Variants in VGLL4 observed in about 807,000 individuals in gnomAD.
The protein encoded by VGLL4 is vestigial like family member 4, also known as transcription cofactor vestigial-like protein 4.
VGLL4 carries 7 observed loss-of-function variants against 21.0 expected under a neutral mutation model. That is an observed-to-expected ratio of 0.33 (90% CI 0.19 to 0.63). The LOEUF (loss-of-function observed/expected upper bound fraction) is 0.63, where lower values mean the gene tolerates loss of function less well. VGLL4 is among the 20% of genes least tolerant of loss of function. The pLI, the probability that VGLL4 is intolerant of heterozygous loss-of-function variation, is 0.78. For missense variants in VGLL4, 394 were observed against 425.7 expected, an observed-to-expected ratio of 0.93 and a Z score of 0.66; for synonymous variants, 222 against 173.2, an observed-to-expected ratio of 1.28 and a Z score of -2.21.
chr3:11,595,107 G>A (rs190846232), intron 2 of VGLL4, among the ~76,000 whole-genome samples: 57 of 152,322 alleles, frequency 3.7e-4, no homozygotes, highest in Admixed American at 3.6e-3. Flanking sequence ...GTTGTGGTGA[G>A]CCGAGATTGC....
At chr3:11,655,607 G>A (rs1003423594) in intron 2 of VGLL4, among the ~76,000 whole-genome samples, 2 of 152,224 alleles carry the variant, frequency 1.3e-5, no homozygotes, top group African/African-American at 4.8e-5. Context: ...TGACTGCAGT[G>A]AGCCCAGAAA....
At chr3:11,606,895 T>G (rs9855784) in intron 1 of VGLL4, among the ~76,000 whole-genome samples, 142,492 of 152,176 alleles carry the variant, frequency 0.94, 66,845 homozygotes, top group African/African-American at 0.95. Context: ...TCACTCTTTG[T>G]GTCCGTGCCA....
intron 2 of VGLL4, among the ~76,000 whole-genome samples, chr3:11,600,439 C>T (rs1304269866): frequency 2.0e-5 from 3 of 151,768 alleles, no homozygotes; most frequent in Non-Finnish European, 4.4e-5. Flanking sequence ...ATAAGAAATT[C>T]GTGGGAATAA....
At chr3:11,615,212 CTT>C (rs2075139660) in intron 1 of VGLL4, among the ~76,000 whole-genome samples, 1 of 152,134 alleles carries the variant, frequency 6.6e-6, no homozygotes, top group African/African-American at 2.4e-5. Context: ...TGACCTGTCT[CTT>C]TTTTGGTGGC....
At chr3:11,696,330 G>A (rs1041340803) in intron 2 of VGLL4, among the ~76,000 whole-genome samples, 6 of 152,214 alleles carry the variant, frequency 3.9e-5, no homozygotes, top group African/African-American at 7.2e-5. Flanking sequence ...TTTAGAGTCA[G>A]TACTCCAGAA....
chr3:11,573,891 C>G (rs1575399318), intron 2 of VGLL4, among the ~76,000 whole-genome samples: 1 of 152,308 alleles, frequency 6.6e-6, no homozygotes, highest in East Asian at 1.9e-4. Flanking sequence ...TGAGGGCGTG[C>G]TCTAATCCAA....
intron 1 of VGLL4, among the ~76,000 whole-genome samples, chr3:11,623,296 T>C (rs2075298447): frequency 6.6e-6 from 1 of 152,186 alleles, no homozygotes; most frequent in African/African-American, 2.4e-5. Context: ...TGTTGTATAC[T>C]AAAGAGAAAT....
In VGLL4 at chr3:11,601,912, T is replaced by G. The variant is rs762116536; in HGVS notation, c.193A>C (p.Ser65Arg). Residue 65 changes from serine (S) to arginine (R), a missense_variant, in exon 2 of 5, where the codon AGC becomes CGC. Physicochemically the swap from Ser to Arg is moderately radical, Grantham distance 110. Transcript: ENST00000430365. Reference sequence around the variant, plus strand: ...AGGTCCTCGTCACCTGGCTCCATGCTGAACTTCCTCTTGCTGGGGCTGATT... The same window carrying G: ...AGGTCCTCGTCACCTGGCTCCATGCGGAACTTCCTCTTGCTGGGGCTGATT... ...PPISPSKRKF[S>R]MEPGDEDLDC... 2.4e-5 allele frequency: 39 copies of G among 1,613,884 alleles called. No individual in the cohort carries two copies. Among genetic ancestry groups the G allele is most frequent in the Middle Eastern group, 1.7e-4 (1 of 6,060 alleles).
intron 2 of VGLL4, among the ~76,000 whole-genome samples, chr3:11,573,080 C>T (rs1054872115): frequency 4.0e-5 from 6 of 151,538 alleles, no homozygotes; most frequent in Non-Finnish European, 5.9e-5. Context: ...GGAGGAGAAT[C>T]GGCTGAACCC....
At chr3:11,615,254 T>C (rs1212700124) in intron 1 of VGLL4, among the ~76,000 whole-genome samples, 1 of 152,208 alleles carries the variant, frequency 6.6e-6, no homozygotes, top group Non-Finnish European at 1.5e-5. Context: ...CTTCATTAAT[T>C]AAGGGTCATA....
chr3:11,703,146 A>G, intron 1 of VGLL4: 1 of 1,002,262 alleles, frequency 1.0e-6, no homozygotes, highest in Non-Finnish European at 1.4e-6. Context: ...AACCAAATGC[A>G]AATCATTCTT....
At chr3:11,664,199 C>G (rs974085631) in intron 2 of VGLL4, among the ~76,000 whole-genome samples, 5 of 152,200 alleles carry the variant, frequency 3.3e-5, no homozygotes, top group African/African-American at 1.2e-4. Flanking sequence ...GATCGCACCA[C>G]TGCACTCCAG....
intron 2 of VGLL4, among the ~76,000 whole-genome samples, chr3:11,594,952 G>A (rs112563371): frequency 0.023 from 3,426 of 152,240 alleles, 39 homozygotes; most frequent in African/African-American, 0.026. Context: ...ACCTGAGATC[G>A]GGAGTTCAAG....
chr3:11,589,009 C>T (rs113374000), intron 2 of VGLL4, among the ~76,000 whole-genome samples: 1 of 152,104 alleles, frequency 6.6e-6, no homozygotes, highest in Non-Finnish European at 1.5e-5. Context: ...CCAATAACAA[C>T]GAGTCTCTGG....
intron 1 of VGLL4, chr3:11,627,226 A>ACTCTCTCTCTCTCT (rs1559908791): frequency 1.6e-5 from 2 of 127,522 alleles, no homozygotes; most frequent in African/African-American, 7.4e-5. Flanking sequence ...ACACACACAC[A>ACTCTCTCTCTCTCT]CACACTCTCT....
intron 2 of VGLL4, among the ~76,000 whole-genome samples, chr3:11,578,753 T>TTC (rs1335890612): frequency 2.2e-5 from 3 of 134,104 alleles, no homozygotes; most frequent in African/African-American, 5.5e-5. Flanking sequence ...ATTTTCTTTT[T>TTC]TTTTTTTTTT....
At chr3:11,629,963 C>T (rs964033718) in intron 1 of VGLL4, among the ~76,000 whole-genome samples, 16 of 152,094 alleles carry the variant, frequency 1.1e-4, no homozygotes, top group African/African-American at 3.9e-4. Flanking sequence ...CAAAGCTATA[C>T]TAAGCTAAAG....
Position 11,617,733 on chromosome 3 carries a change from A to T in VGLL4, c.83-15711T>A, listed in dbSNP as rs951148547. Among the ~76,000 whole-genome samples, 7 of 152,222 alleles carry T rather than the reference A, an allele frequency of 4.6e-5. 1 individual carries two copies. In the South Asian group the frequency reaches 1.4e-3, roughly 32 times the overall value. ...AAATTGAGAAACTATGAGATGAACAAGCCAGGAAGCTACACTTGTTCCCTA... is the reference window on the plus strand; with the variant it reads ...AAATTGAGAAACTATGAGATGAACATGCCAGGAAGCTACACTTGTTCCCTA... On this transcript the variant is annotated intron_variant, in intron 1 of 4. Transcript: ENST00000430365.
At chr3:11,561,891 CTTTTTTTTTTTT>C (rs35380668) in intron 3 of VGLL4, among the ~76,000 whole-genome samples, 2 of 88,590 alleles carry the variant, frequency 2.3e-5, no homozygotes, top group East Asian at 3.8e-4. Context: ...CTGCGCCAAA[CTTTTTTTTTTTT>C]TTTTTTTTTT....
Sources: gnomAD v4.1 joint callset for allele counts (sites outside exome capture counted in the v4.1 genomes callset) on GRCh38, gnomAD v4.1.1 for gene constraint, MANE v1.5 for transcripts, NCBI Gene and HGNC (gene_info 2026-07-23, HGNC 2026-07-21) for gene names.